The following CACNA2D3 variants were observed in gnomAD, a reference collection of about 807,000 sequenced individuals.
The protein encoded by CACNA2D3 is calcium voltage-gated channel auxiliary subunit alpha2delta 3, also known as voltage-dependent calcium channel subunit alpha-2/delta-3.
A neutral mutation model predicts 160.6 loss-of-function variants in CACNA2D3; 60 were observed. That is an observed-to-expected ratio of 0.37 (90% CI 0.30 to 0.46). The LOEUF (loss-of-function observed/expected upper bound fraction) is 0.46, where lower values mean the gene tolerates loss of function less well. Among genes scored for constraint, CACNA2D3 ranks in the 20% least tolerant of loss-of-function variants. The pLI, the probability that CACNA2D3 is intolerant of heterozygous loss-of-function variation, is 1.00. For missense variants in CACNA2D3, 1,205 were observed against 1,365.0 expected, an observed-to-expected ratio of 0.88 and a Z score of 1.85; for synonymous variants, 558 against 492.9, an observed-to-expected ratio of 1.13 and a Z score of -1.75.
At position 54,968,515 on chromosome 3, in the gene CACNA2D3, A is replaced by T. The variant is rs1371132535; in HGVS notation, c.2511+4A>T. 6.2e-7 allele frequency: 1 copy of T among 1,605,474 alleles called. No homozygotes were observed. Among genetic ancestry groups the T allele is most frequent in the Admixed American group, 1.7e-5 (1 of 59,354 alleles). ...GTTCTGGACTGCCAGCAGACAGGTA[A>T]GTTATAATCAGCATCTTGAAGCATT... On this transcript the variant is annotated splice_donor_region_variant and intron_variant, in intron 28 of 37. Transcript: ENST00000474759.
In CACNA2D3 at chr3:54,764,322, G is replaced by T. The variant is rs750221301; in HGVS notation, c.1351G>T (p.Val451Leu). Residue 451 changes from valine (V) to leucine (L), a missense_variant, in exon 13 of 38, where the codon GTG becomes TTG. Physicochemically the swap from Val to Leu is conservative, Grantham distance 32 (BLOSUM62 1). Around this residue, in one of 3 missense-constraint regions of CACNA2D3, gnomAD observed 911 missense variants for 1,002.2 expected, o/e 0.91. Coordinates refer to ENST00000474759, the MANE Select transcript of CACNA2D3 (RefSeq NM_018398.3). ...AGTCATCGACCAGGAGCATGATGTG[G>T]TGTGGACCGAAGCTTACATTGACAG... is the stretch of plus-strand genomic sequence containing the variant. ...PKVIDQEHDV[V>L]WTEAYIDSTL... is the part of the protein sequence containing the mutation. The T allele has an allele frequency of 3.7e-6, 6 of 1,613,742 alleles. No homozygotes were observed. Among genetic ancestry groups the T allele is most frequent in the African/African-American group, 1.3e-5 (1 of 74,892 alleles).
At chr3:54,755,484 A>G (rs954962767) in intron 12 of CACNA2D3, among the ~76,000 whole-genome samples, 1 of 152,198 alleles carries the variant, frequency 6.6e-6, no homozygotes, top group Non-Finnish European at 1.5e-5. Context: ...GAAGGGCTGC[A>G]TGGAAGTTTT....
rs144029504 is a variant in CACNA2D3 at position 54,476,568 on chromosome 3, G to A, written c.382-26924G>A. Reference sequence around the variant, plus strand: ...TTTCTCCCCCTCCATGCCAACACTTGTTACCTTTTGACTTTTTGATAATAG... The same window carrying A: ...TTTCTCCCCCTCCATGCCAACACTTATTACCTTTTGACTTTTTGATAATAG... On this transcript the variant is annotated intron_variant, in intron 4 of 37. Transcript: ENST00000474759. 1.4e-4 allele frequency among the ~76,000 whole-genome samples: 21 copies of A among 152,046 alleles called. No homozygotes were observed. The East Asian group carries it at 3.9e-3, about 28-fold the overall frequency.
intron 21 of CACNA2D3, among the ~76,000 whole-genome samples, chr3:54,883,117 G>A (rs1305831215): frequency 6.6e-6 from 1 of 152,062 alleles, no homozygotes; most frequent in Non-Finnish European, 1.5e-5. Flanking sequence ...ACCATCTCCT[G>A]GGTTCAGGTG....
intron 35 of CACNA2D3, among the ~76,000 whole-genome samples, chr3:55,033,933 G>A (rs1163968499): frequency 7.1e-6 from 1 of 141,100 alleles, no homozygotes; most frequent in African/African-American, 2.6e-5. Flanking sequence ...ATTTAAGGTT[G>A]TATGAGATTC....
intron 27 of CACNA2D3, among the ~76,000 whole-genome samples, chr3:54,934,957 C>T (rs770045803): frequency 2.6e-5 from 4 of 152,170 alleles, no homozygotes; most frequent in East Asian, 1.9e-4. Flanking sequence ...AGGCTGGTCT[C>T]GAACTCCTGA....
intron 10 of CACNA2D3, chr3:54,632,445 T>C (rs1575394857): frequency 6.6e-6 from 1 of 152,242 alleles, no homozygotes; most frequent in Non-Finnish European, 1.5e-5. Context: ...TTGCTGAGTT[T>C]ATTCAATGGT....
intron 29 of CACNA2D3, among the ~76,000 whole-genome samples, chr3:54,973,057 G>A (rs893518690): frequency 1.9e-4 from 29 of 152,150 alleles, no homozygotes; most frequent in African/African-American, 6.0e-4. Flanking sequence ...ACTGACATGC[G>A]GTAGTCAGCG....
At chr3:54,134,074 G>C (rs1296881915) in intron 2 of CACNA2D3, among the ~76,000 whole-genome samples, 1 of 152,110 alleles carries the variant, frequency 6.6e-6, no homozygotes, top group African/African-American at 2.4e-5. Flanking sequence ...GATATTTATT[G>C]GTGCTTATTT....
At chr3:54,420,090 G>A (rs574401259) in intron 4 of CACNA2D3, among the ~76,000 whole-genome samples, 17 of 148,934 alleles carry the variant, frequency 1.1e-4, no homozygotes, top group Non-Finnish European at 1.6e-4. Context: ...TTGTTTGTTT[G>A]TTTGTTTGTT....
intron 35 of CACNA2D3, among the ~76,000 whole-genome samples, chr3:55,066,686 G>T (rs1163117819): frequency 6.6e-6 from 1 of 152,156 alleles, no homozygotes. Flanking sequence ...AGTGGGAAAG[G>T]GAGGACTGGA....
At chr3:54,847,783 T>C (rs189066224) in intron 17 of CACNA2D3, among the ~76,000 whole-genome samples, 1 of 152,358 alleles carries the variant, frequency 6.6e-6, no homozygotes, top group East Asian at 1.9e-4. Context: ...CAAAGACATA[T>C]TGAAGTTTAA....
intron 13 of CACNA2D3, among the ~76,000 whole-genome samples, chr3:54,803,321 A>G (rs1461780677): frequency 1.3e-5 from 2 of 152,196 alleles, no homozygotes; most frequent in African/African-American, 4.8e-5. Context: ...AAAAAAATTT[A>G]GACGAATGTA....
At chr3:54,599,416 G>C (rs1050698833) in intron 9 of CACNA2D3, among the ~76,000 whole-genome samples, 6 of 152,212 alleles carry the variant, frequency 3.9e-5, no homozygotes, top group African/African-American at 7.2e-5. Context: ...TGACAACTCA[G>C]TGTTTCTGTT....
At chr3:54,486,942 T>C (rs1018000581) in intron 4 of CACNA2D3, among the ~76,000 whole-genome samples, 1 of 152,152 alleles carries the variant, frequency 6.6e-6, no homozygotes, top group Non-Finnish European at 1.5e-5. Flanking sequence ...GACAACATGG[T>C]AGAGAGAGAA....
chr3:54,465,810 G>A (rs1700613199), intron 4 of CACNA2D3, among the ~76,000 whole-genome samples: 1 of 152,214 alleles, frequency 6.6e-6, no homozygotes, highest in African/African-American at 2.4e-5. Flanking sequence ...CTATAAGTCA[G>A]AAGTCTGGGT....
At chr3:54,216,849 T>G (rs1204652651) in intron 2 of CACNA2D3, among the ~76,000 whole-genome samples, 1 of 152,142 alleles carries the variant, frequency 6.6e-6, no homozygotes, top group Non-Finnish European at 1.5e-5. Flanking sequence ...GAGCACCTGC[T>G]TGTGTGTGCT....
intron 3 of CACNA2D3, among the ~76,000 whole-genome samples, chr3:54,380,742 A>C (rs1699089402): frequency 6.6e-6 from 1 of 151,836 alleles, no homozygotes; most frequent in South Asian, 2.1e-4. Flanking sequence ...ACAAAAAAAC[A>C]AAAAAACAAA....
chr3:54,422,825 C>T (rs1332919430), intron 4 of CACNA2D3, among the ~76,000 whole-genome samples: 1 of 152,068 alleles, frequency 6.6e-6, no homozygotes, highest in African/African-American at 2.4e-5. Context: ...AATCTGCCTA[C>T]AGAAACACTA....
Sources: allele counts gnomAD v4.1 joint callset (sites outside exome capture counted in the v4.1 genomes callset), GRCh38; gene constraint gnomAD v4.1.1; regional missense constraint gnomAD v4.1.1; transcripts MANE v1.5; gene names NCBI Gene and HGNC (gene_info 2026-07-23, HGNC 2026-07-21).